TACC1: variants seen among roughly 807,000 people sequenced by gnomAD.
TACC1 encodes transforming acidic coiled-coil containing protein 1.
A neutral mutation model predicts 84.4 loss-of-function variants in TACC1; 48 were observed. The ratio of observed to expected loss-of-function variants is 0.57; its 90% CI spans 0.45 to 0.72. The LOEUF (loss-of-function observed/expected upper bound fraction) is 0.72. Among genes scored for constraint, TACC1 ranks in the 30% least tolerant of loss-of-function variants. The probability of loss-of-function intolerance (pLI) is 0.00; values close to 1 mark genes in which losing one functional copy is unlikely to be tolerated. For synonymous variants in TACC1, 372 were observed against 376.3 expected, an observed-to-expected ratio of 0.99 and a Z score of 0.13; for missense variants, 920 against 973.0, an observed-to-expected ratio of 0.95 and a Z score of 0.72.
At chr8:38,806,544 A>G (rs1254216775) in intron 2 of TACC1, among the ~76,000 whole-genome samples, 6 of 151,848 alleles carry the variant, frequency 4.0e-5, no homozygotes, top group Non-Finnish European at 7.4e-5. Flanking sequence ...TTGGGAGGAG[A>G]AAGAGGGATG....
chr8:38,747,271 G>A (rs922237257), intron 3 of TACC1, among the ~76,000 whole-genome samples: 1 of 152,166 alleles, frequency 6.6e-6, no homozygotes, highest in Admixed American at 6.5e-5. Context: ...AAAATGGTTT[G>A]GCCACTTTGA....
chr8:38,746,639 C>A (rs1808137545), intron 3 of TACC1, among the ~76,000 whole-genome samples: 1 of 152,006 alleles, frequency 6.6e-6, no homozygotes, highest in South Asian at 2.1e-4. Context: ...TTACTCTTTC[C>A]TTTAACATGT....
chr8:38,739,387 G>A (rs896625171), intron 1 of TACC1, among the ~76,000 whole-genome samples: 1 of 152,200 alleles, frequency 6.6e-6, no homozygotes, highest in Non-Finnish European at 1.5e-5. Flanking sequence ...ACATATAGTG[G>A]TATTAGAGTG....
intron 7 of TACC1, among the ~76,000 whole-genome samples, chr8:38,836,681 T>C (rs1311983443): frequency 1.3e-5 from 2 of 152,254 alleles, no homozygotes. Context: ...CCTACTTTCA[T>C]CCATTCTTTA....
At chr8:38,734,271 C>T (rs1053764661) in intron 1 of TACC1, among the ~76,000 whole-genome samples, 6 of 152,174 alleles carry the variant, frequency 3.9e-5, no homozygotes, top group Non-Finnish European at 8.8e-5. Context: ...CGACTCACTG[C>T]AACCTCCGCC....
intron 3 of TACC1, chr8:38,757,313 C>T (rs1587323225): frequency 7.9e-7 from 1 of 1,266,714 alleles, no homozygotes. Flanking sequence ...GGGTGCAGCC[C>T]CGGCCCCAAG....
chr8:38,834,719 A>T lies in TACC1; in HGVS notation c.1714-1443A>T, dbSNP rs1297959772. On this transcript the variant is annotated intron_variant, in intron 6 of 12. Transcript: ENST00000317827. ...GAGGTCTGTGAAGCTGCATGCTAAA[A>T]TTCTGTTTCTGAGCATTTTCTAGAG... is the stretch of plus-strand genomic sequence containing the variant. Among the ~76,000 whole-genome samples, 3 of 152,168 alleles carry T rather than the reference A, an allele frequency of 2.0e-5. No homozygotes were observed. The East Asian group carries it at 5.8e-4, about 29-fold the overall frequency.
intron 11 of TACC1, chr8:38,844,734 C>T (rs1295948724): frequency 6.6e-6 from 1 of 152,102 alleles, no homozygotes; most frequent in Non-Finnish European, 1.5e-5. Context: ...CAGAAATTTA[C>T]TTTTATGTGC....
rs549843483 is a variant in TACC1, at chr8:38,843,416, A to G, written c.2228+21A>G. 228 of 1,548,242 alleles carry G rather than the reference A, an allele frequency of 1.5e-4. 2 individuals carry two copies. The South Asian group carries it at 2.5e-3, about 17-fold the overall frequency. ...GACAAGTAAGAGCTTGTAAATGTTGAATTTCACTCTTCATGATGTTGTGGG... is the reference window on the plus strand; with the variant it reads ...GACAAGTAAGAGCTTGTAAATGTTGGATTTCACTCTTCATGATGTTGTGGG... On this transcript the variant is annotated intron_variant, in intron 11 of 12. Coordinates refer to ENST00000317827, the MANE Select transcript of TACC1 (RefSeq NM_006283.3).
intron 6 of TACC1, among the ~76,000 whole-genome samples, chr8:38,831,662 G>A (rs1829271824): frequency 6.6e-6 from 1 of 152,010 alleles, no homozygotes; most frequent in African/African-American, 2.4e-5. Context: ...CACCCAGCTA[G>A]TTTTTGTATT....
intron 2 of TACC1, among the ~76,000 whole-genome samples, chr8:38,789,811 G>A (rs1297263073): frequency 6.6e-6 from 1 of 152,162 alleles, no homozygotes. Context: ...GAGGGTTCAT[G>A]GTACAGTTTG....
chr8:38,763,321 TA>T lies in TACC1; in HGVS notation c.26+17839del, dbSNP rs557962928. Among the ~76,000 whole-genome samples, 520 of 148,514 alleles carry T rather than the reference TA, an allele frequency of 3.5e-3. 8 individuals carry two copies. Among genetic ancestry groups the T allele is most frequent in the South Asian group, 0.031 (144 of 4,664 alleles). ...ACACCAACATCCCTAGCTATTTGTTTAAAAAAAAAAATTGTGGAAATGGGGC... is the reference window on the plus strand; with the variant it reads ...ACACCAACATCCCTAGCTATTTGTTTAAAAAAAAAATTGTGGAAATGGGGC... On this transcript the variant is annotated intron_variant, in intron 3 of 14. Transcript: ENST00000518415.
At chr8:38,847,885 C>G (rs1832613813) in intron 12 of TACC1, 70 bp from the exon 13 acceptor site, 2 of 1,289,884 alleles carry the variant, frequency 1.6e-6, no homozygotes, top group Admixed American at 3.5e-5. Context: ...AGACTTGGGA[C>G]TAGTTAACTC....
intron 2 of TACC1, among the ~76,000 whole-genome samples, chr8:38,806,523 A>G (rs1183423823): frequency 6.6e-6 from 1 of 151,810 alleles, no homozygotes; most frequent in African/African-American, 2.4e-5. Flanking sequence ...AATAAATTCC[A>G]TCCCTCTGTC....
At chr8:38,774,047 C>T (rs1814274418) in intron 3 of TACC1, among the ~76,000 whole-genome samples, 1 of 152,202 alleles carries the variant, frequency 6.6e-6, no homozygotes, top group East Asian at 1.9e-4. Context: ...CCCCTCTCCT[C>T]CCTCCAGCAG....
chr8:38,752,094 A>G (rs1236415344), intron 3 of TACC1, among the ~76,000 whole-genome samples: 4 of 152,134 alleles, frequency 2.6e-5, no homozygotes, highest in Non-Finnish European at 5.9e-5. Context: ...TTGACACTGA[A>G]GGATGTATTT....
chr8:38,767,794 G>A (rs1812526205), intron 3 of TACC1, among the ~76,000 whole-genome samples: 1 of 152,210 alleles, frequency 6.6e-6, no homozygotes, highest in South Asian at 2.1e-4. Context: ...GCCGGGCACA[G>A]TGGCTCACGT....
intron 3 of TACC1, among the ~76,000 whole-genome samples, chr8:38,761,559 C>A (rs1012270947): frequency 6.6e-6 from 1 of 152,194 alleles, no homozygotes; most frequent in African/African-American, 2.4e-5. Flanking sequence ...CACTGTGGGA[C>A]ACATGTCCCT....
At chr8:38,803,802 T>G (rs1328484794) in intron 2 of TACC1, among the ~76,000 whole-genome samples, 2 of 152,214 alleles carry the variant, frequency 1.3e-5, no homozygotes, top group South Asian at 2.1e-4. Flanking sequence ...GGAAAGTGCT[T>G]CTTCCCTCGG....
Sources: allele counts gnomAD v4.1 joint callset (sites outside exome capture counted in the v4.1 genomes callset), GRCh38; gene constraint gnomAD v4.1.1; transcripts MANE v1.5; gene names NCBI Gene and HGNC (gene_info 2026-07-23, HGNC 2026-07-21).